Variants in CNKSR1 observed in about 807,000 individuals in gnomAD.
CNKSR1 encodes the protein connector enhancer of kinase suppressor of Ras 1.
CNKSR1 carries 88 observed loss-of-function variants against 95.6 expected under a neutral mutation model. The ratio of observed to expected loss-of-function variants is 0.92; its 90% CI spans 0.78 to 1.10. The LOEUF (loss-of-function observed/expected upper bound fraction) is 1.10. CNKSR1 is among the 50% of genes least tolerant of loss of function. The pLI, the probability that CNKSR1 is intolerant of heterozygous loss-of-function variation, is 0.00. For missense variants in CNKSR1, 836 were observed against 912.0 expected (o/e 0.92, Z 1.07); for synonymous variants, 355 against 369.7 (o/e 0.96, Z 0.46).
chr1:26,186,029 G>GA (rs762858567), intron 14 of CNKSR1, among the ~76,000 whole-genome samples: 26 of 152,292 alleles, frequency 1.7e-4, no homozygotes, highest in Admixed American at 1.3e-3. Context: ...TAGTAGGGGA[G>GA]AGGGATGAAT....
chr1:26,188,225 T>C lies in CNKSR1; in HGVS notation c.1455-9T>C, dbSNP rs750595936. 6.2e-7 allele frequency: 1 copy of C among 1,613,824 alleles called. No homozygotes were observed. Among genetic ancestry groups the C allele is most frequent in the Non-Finnish European group, 8.5e-7 (1 of 1,179,814 alleles). The stretch of plus-strand genomic sequence containing the variant: ...TGGAAACCCTGTGAGACCTGCTTGC[T>C]CTCCATAGGTGGGTGCGTCATCTCA... On this transcript the variant is annotated splice_polypyrimidine_tract_variant and intron_variant, in intron 16 of 20. Transcript: ENST00000361530.
Position 26,185,168 on chromosome 1 carries a change from C to A in CNKSR1, c.1290C>A (p.Tyr430Ter), listed in dbSNP as rs956868458. ...TTGTGCTCAAGGGACACACGCTCTA[C>A]TGGTACCGCCAGCCCCAGGTAAGAC... The part of the protein sequence containing the change: ...RWFVLKGHTL[Y>*]WYRQPQDEKA... Residue 430 changes from tyrosine to a stop codon, truncating the protein, a stop_gained, in exon 14 of 21, where the codon TAC (tyrosine) becomes TAA (stop). Transcript: ENST00000361530. LOFTEE classifies it high-confidence loss of function. The A allele has an allele frequency of 3.9e-6, 6 of 1,558,138 alleles. No individual in the cohort carries two copies. Among genetic ancestry groups the A allele is most frequent in the Non-Finnish European group, 5.2e-6 (6 of 1,151,100 alleles).
intron 6 of CNKSR1, 54 bp downstream of exon 6, chr1:26,182,638 GCCCTGAAATAGGGTCCAGGAT>G: frequency 1.2e-5 from 17 of 1,465,762 alleles, no homozygotes; most frequent in Non-Finnish European, 1.6e-5. Flanking sequence ...CCTTGTCTGG[GCCCTGAAATAGGGTCCAGGAT>G]CCCACAGAAC....
Position 26,187,945 on chromosome 1 carries a change from G to A in CNKSR1, c.1455-289G>A, listed in dbSNP as rs555750441. Among the ~76,000 whole-genome samples, 123 of 151,954 alleles carry A rather than the reference G, an allele frequency of 8.1e-4. 2 individuals carry two copies. The highest frequency in any genetic ancestry group is 2.9e-3 in the African/African-American group (119 of 41,478). ...ATCTCTCTTTTTTTTTAATTAAAAA[G>A]TTTTGTGGGGAGATGGGTTTGCCCT... is the stretch of plus-strand genomic sequence containing the variant. On this transcript the variant is annotated intron_variant, in intron 16 of 20. Coordinates refer to ENST00000361530, the MANE Select transcript of CNKSR1 (RefSeq NM_006314.3).
At chr1:26,187,110 G>C (rs1356821442) in intron 14 of CNKSR1, 58 bp from the exon 15 acceptor site, 3 of 1,363,420 alleles carry the variant, frequency 2.2e-6, no homozygotes, top group Non-Finnish European at 3.1e-6. Flanking sequence ...ACTAGGAGCT[G>C]ACTGGGCCTT....
At chr1:26,183,495 G>A (rs1030942612) in intron 8 of CNKSR1, 81 bp downstream of exon 8, 1 of 1,471,436 alleles carries the variant, frequency 6.8e-7, no homozygotes, top group African/African-American at 1.4e-5. Context: ...AGGCAACCAA[G>A]GGTTCTGACC....
At position 26,187,413 on chromosome 1, in the gene CNKSR1, T is replaced by G; in HGVS notation, c.1385T>G (p.Val462Gly). Reference protein sequence around the residue: ...ESGHDQKKKYVFQLTHDVYKP... With the variant: ...ESGHDQKKKYGFQLTHDVYKP... ...GATGCTCCTCCACTACCTGGCAGTG[T>G]GTTTCAGCTCACCCATGATGTGTAC... Residue 462 changes from valine to glycine, a missense_variant and splice_region_variant, in exon 16 of 21, where the codon GTG becomes GGG. Coordinates refer to ENST00000361530, the MANE Select transcript of CNKSR1 (RefSeq NM_006314.3). The G allele has an allele frequency of 1.2e-6, 2 of 1,614,074 alleles. No individual in the cohort carries two copies. The highest frequency in any genetic ancestry group is 2.7e-5 in the African/African-American group (2 of 75,004).
intron 1 of CNKSR1, 182 bp from the exon 2 acceptor site, chr1:26,180,271 T>C: frequency 1.4e-6 from 1 of 708,826 alleles, no homozygotes; most frequent in East Asian, 2.7e-5. Flanking sequence ...TAAGAACCCA[T>C]GTCCTATACT....
chr1:26,183,598 C>T, intron 8 of CNKSR1, 131 bp from the exon 9 acceptor site: 3 of 1,006,476 alleles, frequency 3.0e-6, no homozygotes, highest in Non-Finnish European at 4.8e-6. Flanking sequence ...CATGGAAGCC[C>T]CCAGGAGGCT....
rs191223406 is a variant in CNKSR1, at chr1:26,179,865, G to A, written c.53-588G>A. On this transcript the variant is annotated intron_variant, in intron 1 of 20. Transcript: ENST00000361530. ...AAATACAAACTGCTGGCTGGGCGTC[G>A]TGGCTCACACCTGTAATTCTAGCAC... 4.8e-4 allele frequency among the ~76,000 whole-genome samples: 73 copies of A among 152,254 alleles called. 3 individuals are homozygous for A. The East Asian group carries it at 0.012, about 24-fold the overall frequency.
At chr1:26,177,635 G>A in intron 1 of CNKSR1, 36 bp downstream of exon 1, 1 of 1,612,536 alleles carries the variant, frequency 6.2e-7, no homozygotes, top group South Asian at 1.1e-5. Context: ...GCTTGAAGGG[G>A]ACTAGGTGTG....
At chr1:26,188,330 TG>T (rs2088793396) in intron 17 of CNKSR1, 23 bp downstream of exon 17, 1 of 1,612,860 alleles carries the variant, frequency 6.2e-7, no homozygotes, top group Non-Finnish European at 8.5e-7. Flanking sequence ...CAGGGTTGAG[TG>T]GGAGGAACCC....
Position 26,183,719 on chromosome 1 carries a change from T to G in CNKSR1, c.754-10T>G. 6.3e-7 allele frequency: 1 copy of G among 1,599,358 alleles called. No homozygotes were observed. Among genetic ancestry groups the G allele is most frequent in the Non-Finnish European group, 8.6e-7 (1 of 1,166,600 alleles). ...CCAGGTTGATACCAGCCAGTGTTTCTGTCCCCCAGGTGGGATGGCCCCGTA... is the reference window on the plus strand; with the variant it reads ...CCAGGTTGATACCAGCCAGTGTTTCGGTCCCCCAGGTGGGATGGCCCCGTA... On this transcript the variant is annotated splice_polypyrimidine_tract_variant and intron_variant, in intron 8 of 20. Transcript: ENST00000361530.
intron 16 of CNKSR1, 127 bp from the exon 17 acceptor site, chr1:26,188,107 G>A (rs2088788075): frequency 4.9e-6 from 4 of 811,650 alleles, no homozygotes; most frequent in Non-Finnish European, 8.4e-6. Context: ...TAAAATGGGT[G>A]ACTAAGAGTT....
chr1:26,188,699 T>TGCTGGGCTGGAGTTGGGA lies in CNKSR1; in HGVS notation c.1690+13_1690+30dup. 1 of 1,613,306 alleles carries TGCTGGGCTGGAGTTGGGA rather than the reference T, an allele frequency of 6.2e-7. No individual in the cohort carries two copies. Among genetic ancestry groups the TGCTGGGCTGGAGTTGGGA allele is most frequent in the South Asian group, 1.1e-5 (1 of 91,038 alleles). On this transcript the variant is annotated splice_region_variant and intron_variant, in intron 19 of 20. Coordinates refer to ENST00000361530, the MANE Select transcript of CNKSR1 (RefSeq NM_006314.3). ...GGACCTCCTTTGGCTCTCTGACAGG[T>TGCTGGGCTGGAGTTGGGA]GCTGGGCTGGAGTTGGGAGCTGGGC...
At chr1:26,186,054 A>G (rs1355449167) in intron 14 of CNKSR1, among the ~76,000 whole-genome samples, 1 of 152,134 alleles carries the variant, frequency 6.6e-6, no homozygotes, top group African/African-American at 2.4e-5. Context: ...ACTCAAGGAC[A>G]ATGTAGGGAC....
chr1:26,184,897 T>G (rs893790401), intron 13 of CNKSR1, 117 bp from the exon 14 acceptor site: 10 of 1,093,918 alleles, frequency 9.1e-6, no homozygotes, highest in Non-Finnish European at 1.2e-5. Flanking sequence ...TGTAGCATTC[T>G]GAGCAGAGTG....
chr1:26,184,592 T>G lies in CNKSR1; in HGVS notation c.1115T>G (p.Val372Gly), dbSNP rs955141282. 8 of 1,607,130 alleles carry G rather than the reference T, an allele frequency of 5.0e-6. No homozygotes were observed. The highest frequency in any genetic ancestry group is 3.4e-5 in the Admixed American group (2 of 58,868). Residue 372 changes from valine to glycine, a missense_variant, in exon 13 of 21, where the codon GTT becomes GGT. Transcript: ENST00000361530. ...GLPESPDKSP[V>G]GRKKSKGLAT... Reference sequence around the variant, plus strand: ...CTTCTGCTGTCCTTTCAGAGTCCTGTTGGTCGGAAGAAATCAAAAGGTATG... The same window carrying G: ...CTTCTGCTGTCCTTTCAGAGTCCTGGTGGTCGGAAGAAATCAAAAGGTATG...
chr1:26,189,304 TAGA>T lies in CNKSR1; in HGVS notation c.1904_1906del (p.Glu635del), dbSNP rs1445368379. The T allele has an allele frequency of 4.3e-6, 7 of 1,614,114 alleles. No homozygotes were observed. Among genetic ancestry groups the T allele is most frequent in the African/African-American group, 1.3e-5 (1 of 75,056 alleles). The stretch of plus-strand genomic sequence containing the variant: ...GCAAAGCTGCAGGAGCTGCAGGTCC[TAGA>T]AGAAGTGCTGGGTGACCCTGAGCTG... On this transcript the variant is annotated inframe_deletion, in exon 21 of 21. Coordinates refer to ENST00000361530, the MANE Select transcript of CNKSR1 (RefSeq NM_006314.3).
Sources: gnomAD v4.1 joint callset for allele counts (sites outside exome capture counted in the v4.1 genomes callset) on GRCh38, gnomAD v4.1.1 for gene constraint, MANE v1.5 for transcripts, NCBI Gene and HGNC (gene_info 2026-07-23, HGNC 2026-07-21) for gene names.